The following RTL4 variants were observed in gnomAD, a reference collection of about 807,000 sequenced individuals.
RTL4 encodes retrotransposon Gag-like protein 4.
RTL4 carries 4 observed loss-of-function variants against 5.3 expected under a neutral mutation model. That is an observed-to-expected ratio of 0.75 (90% CI 0.37 to 1.72). The LOEUF is 1.72. Ranked by LOEUF, RTL4 falls within the 40% of genes most tolerant of loss-of-function variation. The pLI is 0.04. For missense variants in RTL4, 260 were observed against 227.1 expected (o/e 1.14, Z -0.93); for synonymous variants, 98 against 87.3 (o/e 1.12, Z -0.68).
the RTL4 span, among the ~76,000 whole-genome samples, chrX:112,084,059 C>T: frequency 9.0e-6 from 1 of 111,565 alleles, no homozygotes; most frequent in Non-Finnish European, 1.9e-5. Flanking sequence ...GAAAACTCCA[C>T]TGTACTTCCT....
the RTL4 span, among the ~76,000 whole-genome samples, chrX:112,218,284 A>G: frequency 9.1e-6 from 1 of 110,448 alleles, no homozygotes; most frequent in Admixed American, 9.6e-5. Flanking sequence ...ACTAAACTCT[A>G]ATTGTCCTGG....
the RTL4 span, chrX:112,320,489 C>T: frequency 2.7e-5 from 3 of 110,085 alleles, 1 homozygote; most frequent in African/African-American, 9.9e-5. Context: ...TAGATGTGTT[C>T]CTATGTTCAA....
At chrX:112,373,053 T>G in the RTL4 span, among the ~76,000 whole-genome samples, 1 of 111,586 alleles carries the variant, frequency 9.0e-6, no homozygotes, top group African/African-American at 3.3e-5. Flanking sequence ...GAGAACAGTT[T>G]ACTCTTGTGT....
At chrX:112,160,174 G>C in the RTL4 span, among the ~76,000 whole-genome samples, 1 of 112,181 alleles carries the variant, frequency 8.9e-6, no homozygotes, top group South Asian at 3.7e-4. Context: ...AGTTAACCTG[G>C]AGCAGAGGTG....
At chrX:112,333,639 T>C in the RTL4 span, among the ~76,000 whole-genome samples, 2 of 111,532 alleles carry the variant, frequency 1.8e-5, no homozygotes, top group Admixed American at 9.6e-5. Flanking sequence ...ACTGGCATTT[T>C]ATTTATTTAT....
the RTL4 span, chrX:112,381,657 C>T: frequency 8.3e-7 from 1 of 1,208,773 alleles, no homozygotes; most frequent in Non-Finnish European, 1.1e-6. Flanking sequence ...CTTAAAGCAG[C>T]GCTCTTGCAA....
chrX:112,362,373 T>C, the RTL4 span, among the ~76,000 whole-genome samples: 1 of 111,807 alleles, frequency 8.9e-6, no homozygotes, highest in Non-Finnish European at 1.9e-5. Context: ...TACTAAACAC[T>C]ATGAAGAAAA....
At chrX:112,344,505 G>C in the RTL4 span, among the ~76,000 whole-genome samples, 11 of 110,937 alleles carry the variant, frequency 9.9e-5, no homozygotes, top group East Asian at 2.9e-4. Flanking sequence ...GAGCACAAAG[G>C]GGGAGGTGCT....
the RTL4 span, among the ~76,000 whole-genome samples, chrX:112,402,142 G>A: frequency 3.6e-5 from 4 of 111,883 alleles, no homozygotes; most frequent in African/African-American, 1.3e-4. Context: ...TTCAGAATAT[G>A]CGGATGTCTT....
At chrX:112,276,587 G>A in the RTL4 span, among the ~76,000 whole-genome samples, 1 of 111,994 alleles carries the variant, frequency 8.9e-6, no homozygotes, top group Non-Finnish European at 1.9e-5. Context: ...TTACCTGGAT[G>A]CAATGGTCTT....
At chrX:112,307,836 T>G in the RTL4 span, among the ~76,000 whole-genome samples, 2 of 111,953 alleles carry the variant, frequency 1.8e-5, no homozygotes, top group South Asian at 7.4e-4. Flanking sequence ...GCCTGATATC[T>G]ACCCTCACAA....
chrX:112,219,563 G>T, the RTL4 span, among the ~76,000 whole-genome samples: 1 of 111,894 alleles, frequency 8.9e-6, no homozygotes, highest in Non-Finnish European at 1.9e-5. Flanking sequence ...GGTAAAAACA[G>T]TTGTGATTTA....
the RTL4 span, among the ~76,000 whole-genome samples, chrX:112,140,592 G>A: frequency 9.0e-6 from 1 of 110,727 alleles, no homozygotes; most frequent in African/African-American, 3.3e-5. Flanking sequence ...GTCCTCATGT[G>A]GTGAAAAGGG....
chrX:112,151,316 C>A, the RTL4 span, among the ~76,000 whole-genome samples: 125 of 111,745 alleles, frequency 1.1e-3, no homozygotes, highest in Non-Finnish European at 2.1e-3. Flanking sequence ...GGAAAAAGCT[C>A]AAGGCCGAGC....
the RTL4 span, among the ~76,000 whole-genome samples, chrX:112,327,236 G>A: frequency 9.0e-6 from 1 of 111,514 alleles, no homozygotes; most frequent in Non-Finnish European, 1.9e-5. Flanking sequence ...CAAACCAAAG[G>A]CAAAGAAGTT....
the RTL4 span, among the ~76,000 whole-genome samples, chrX:112,104,403 G>C: frequency 9.0e-6 from 1 of 111,611 alleles, no homozygotes; most frequent in Non-Finnish European, 1.9e-5. Context: ...CATTCCCTTT[G>C]GAAATACACC....
At chrX:112,183,235 C>A in the RTL4 span, among the ~76,000 whole-genome samples, 2 of 112,142 alleles carry the variant, frequency 1.8e-5, no homozygotes. Flanking sequence ...ACCATTGACA[C>A]TATGAAGAAA....
the RTL4 span, among the ~76,000 whole-genome samples, chrX:112,319,407 G>A: frequency 7.1e-4 from 79 of 111,812 alleles, no homozygotes; most frequent in Admixed American, 2.0e-3. Flanking sequence ...TGTACACTGC[G>A]CCCTTTCCTT....
chrX:112,141,245 G>A, the RTL4 span, among the ~76,000 whole-genome samples: 1 of 111,752 alleles, frequency 8.9e-6, no homozygotes, highest in Admixed American at 9.5e-5. Flanking sequence ...TATAAGTACA[G>A]TTTTTATATT....
Sources: gnomAD v4.1 joint callset for allele counts (sites outside exome capture counted in the v4.1 genomes callset) on GRCh38, gnomAD v4.1.1 for gene constraint, MANE v1.5 for transcripts, NCBI Gene and HGNC (gene_info 2026-07-23, HGNC 2026-07-21) for gene names.